DPH6: variants seen among roughly 807,000 people sequenced by gnomAD.
DPH6 encodes the protein diphthamine biosynthesis 6.
DPH6 carries 33 observed loss-of-function variants against 38.2 expected under a neutral mutation model. The observed-to-expected ratio is 0.86, with a 90% CI of 0.65 to 1.15. The LOEUF (loss-of-function observed/expected upper bound fraction) is 1.15, where lower values mean the gene tolerates loss of function less well. Among genes scored for constraint, DPH6 ranks in the 50% most tolerant of loss-of-function variants. The pLI is 0.00. For synonymous variants in DPH6, 108 were observed against 103.0 expected (o/e 1.05, Z -0.30); for missense variants, 325 against 320.0 (o/e 1.02, Z -0.12).
intron 5 of DPH6, among the ~76,000 whole-genome samples, chr15:35,445,472 C>T (rs191978127): frequency 4.0e-5 from 6 of 149,058 alleles, no homozygotes; most frequent in Admixed American, 6.7e-5. Context: ...TGCCTGGATC[C>T]ACTTATATAT....
At chr15:35,521,506 G>A in intron 3 of DPH6, 7 of 1,216,874 alleles carry the variant, frequency 5.8e-6, no homozygotes, top group Non-Finnish European at 6.1e-6. Context: ...TCAAAGTGCT[G>A]ATAGGACTAT....
intron 6 of DPH6, among the ~76,000 whole-genome samples, chr15:35,385,275 C>T (rs1261982558): frequency 2.0e-5 from 3 of 152,268 alleles, no homozygotes; most frequent in South Asian, 4.1e-4. Context: ...CAGATATATA[C>T]CCAAAGGATT....
intron 3 of DPH6, among the ~76,000 whole-genome samples, chr15:35,323,703 T>C (rs2052259282): frequency 6.6e-6 from 1 of 152,188 alleles, no homozygotes; most frequent in South Asian, 2.1e-4. Flanking sequence ...TGCCATCAAA[T>C]TGCTTTAACA....
intron 3 of DPH6, among the ~76,000 whole-genome samples, chr15:35,477,573 A>G (rs1175510189): frequency 6.6e-6 from 1 of 151,796 alleles, no homozygotes; most frequent in South Asian, 2.1e-4. Context: ...GACCAGTGTA[A>G]TATTTTAAAA....
chr15:35,381,737 C>G (rs980162851), intron 7 of DPH6, 85 bp downstream of exon 7: 5 of 1,067,076 alleles, frequency 4.7e-6, no homozygotes, highest in Non-Finnish European at 7.1e-6. Flanking sequence ...TTTTTCCCAA[C>G]AAAAGTTGCC....
chr15:35,229,907 GT>G (rs970861803), intron 3 of DPH6, among the ~76,000 whole-genome samples: 1 of 152,142 alleles, frequency 6.6e-6, no homozygotes, highest in Non-Finnish European at 1.5e-5. Context: ...CTTCCTCTCT[GT>G]TTTGAGCCAC....
chr15:35,225,756 T>G (rs1262069985), intron 3 of DPH6, among the ~76,000 whole-genome samples: 1 of 152,248 alleles, frequency 6.6e-6, no homozygotes, highest in Admixed American at 6.5e-5. Context: ...CACAATGATT[T>G]ACTTATCTTT....
downstream of DPH6, among the ~76,000 whole-genome samples, chr15:35,215,074 T>G (rs1280258644): frequency 6.6e-6 from 1 of 152,202 alleles, no homozygotes; most frequent in Non-Finnish European, 1.5e-5. Context: ...TGTGCAATAA[T>G]TCACCAAATA....
intron 3 of DPH6, among the ~76,000 whole-genome samples, chr15:35,473,604 C>A (rs2054223786): frequency 6.6e-6 from 1 of 152,054 alleles, no homozygotes; most frequent in Non-Finnish European, 1.5e-5. Context: ...AATATGTGTA[C>A]CTGGACTAGG....
At chr15:35,255,243 A>G (rs1218593954) in intron 3 of DPH6, among the ~76,000 whole-genome samples, 1 of 152,270 alleles carries the variant, frequency 6.6e-6, no homozygotes, top group Non-Finnish European at 1.5e-5. Context: ...AATCATTAAC[A>G]TAATGAAAAG....
intron 3 of DPH6, among the ~76,000 whole-genome samples, chr15:35,275,916 C>T (rs1405057357): frequency 6.6e-6 from 1 of 152,038 alleles, no homozygotes; most frequent in Non-Finnish European, 1.5e-5. Flanking sequence ...CTTGCGTGTA[C>T]AAGTATCTTT....
chr15:35,374,587 C>T (rs184578599), intron 7 of DPH6, among the ~76,000 whole-genome samples: 47 of 152,108 alleles, frequency 3.1e-4, no homozygotes, highest in South Asian at 6.2e-4. Flanking sequence ...GAAAAAAGTA[C>T]GTTTGATGAT....
At chr15:35,409,728 T>A (rs927909575) in intron 6 of DPH6, among the ~76,000 whole-genome samples, 1 of 151,838 alleles carries the variant, frequency 6.6e-6, no homozygotes, top group Admixed American at 6.6e-5. Flanking sequence ...ACAGAACAAA[T>A]CACTGTGAGA....
At chr15:35,162,089 T>C in the DPH6 span, among the ~76,000 whole-genome samples, 1 of 151,920 alleles carries the variant, frequency 6.6e-6, no homozygotes, top group Non-Finnish European at 1.5e-5. Context: ...ATCTTGATTA[T>C]TTCTTGCCAC....
chr15:35,244,830 G>T (rs318339), intron 3 of DPH6, among the ~76,000 whole-genome samples: 98,297 of 152,016 alleles, frequency 0.65, 33,386 homozygotes, highest in Non-Finnish European at 0.77. Flanking sequence ...CTAGGTAAGG[G>T]CCTATGAGCC....
intron 5 of DPH6, among the ~76,000 whole-genome samples, chr15:35,433,371 G>A (rs1240255912): frequency 6.6e-6 from 1 of 152,164 alleles, no homozygotes; most frequent in African/African-American, 2.4e-5. Context: ...TTTCAAAGCA[G>A]GAGAAGTAGT....
intron 3 of DPH6, among the ~76,000 whole-genome samples, chr15:35,491,832 T>A (rs1415832231): frequency 6.6e-6 from 1 of 150,704 alleles, no homozygotes. Flanking sequence ...TATCTATATA[T>A]CTTATATATT....
chr15:35,179,913 TCTC>T, the DPH6 span, among the ~76,000 whole-genome samples: 3 of 152,210 alleles, frequency 2.0e-5, no homozygotes, highest in Non-Finnish European at 2.9e-5. Context: ...TTGTATTTCT[TCTC>T]CTTTGTCTCC....
intron 3 of DPH6, among the ~76,000 whole-genome samples, chr15:35,464,021 C>T (rs1278422609): frequency 1.3e-5 from 2 of 152,144 alleles, no homozygotes; most frequent in East Asian, 3.9e-4. Context: ...AATGGCTGGG[C>T]GTGGTGGCTC....
Sources: allele counts gnomAD v4.1 joint callset (sites outside exome capture counted in the v4.1 genomes callset), GRCh38; gene constraint gnomAD v4.1.1; transcripts MANE v1.5; gene names NCBI Gene and HGNC (gene_info 2026-07-23, HGNC 2026-07-21).